The following SOBP variants were observed in gnomAD, a reference collection of about 807,000 sequenced individuals.
The protein encoded by SOBP is sine oculis binding protein homolog, also known as sine oculis-binding protein homolog.
A neutral mutation model predicts 53.6 loss-of-function variants in SOBP; 4 were observed. That is an observed-to-expected ratio of 0.07 (90% confidence interval 0.04 to 0.17). SOBP has a LOEUF of 0.17. SOBP is among the 10% of genes least tolerant of loss of function. The pLI is 1.00. For missense variants in SOBP, 1,088 were observed against 1,204.7 expected, an observed-to-expected ratio of 0.90 and a Z score of 1.43; for synonymous variants, 584 against 522.6, an observed-to-expected ratio of 1.12 and a Z score of -1.60.
chr6:107,505,825 A>G (rs1782976548), intron 2 of SOBP, among the ~76,000 whole-genome samples: 1 of 150,610 alleles, frequency 6.6e-6, no homozygotes. Context: ...TAAGTTTTGT[A>G]TTTTTAGTAG....
At chr6:107,566,577 G>A (rs971017137) in intron 4 of SOBP, among the ~76,000 whole-genome samples, 6 of 152,244 alleles carry the variant, frequency 3.9e-5, no homozygotes, top group East Asian at 1.9e-4. Flanking sequence ...CTTCTCTCAC[G>A]GTGTCTCTGA....
At chr6:107,637,528 G>A (rs1335632605) in intron 6 of SOBP, among the ~76,000 whole-genome samples, 1 of 152,226 alleles carries the variant, frequency 6.6e-6, no homozygotes, top group African/African-American at 2.4e-5. Context: ...AAATGCCCCT[G>A]ATTTCTTCAC....
At chr6:107,636,633 A>T (rs567445819) in intron 6 of SOBP, among the ~76,000 whole-genome samples, 1 of 152,294 alleles carries the variant, frequency 6.6e-6, no homozygotes, top group Admixed American at 6.5e-5. Flanking sequence ...AGGAGAGATG[A>T]GCATTTATTG....
At chr6:107,539,796 C>T (rs542281431) in intron 4 of SOBP, among the ~76,000 whole-genome samples, 2 of 152,220 alleles carry the variant, frequency 1.3e-5, no homozygotes, top group African/African-American at 2.4e-5. Context: ...CACCTTGCCA[C>T]TAACAGTGTT....
At chr6:107,598,087 CAT>C (rs1208053583) in intron 5 of SOBP, among the ~76,000 whole-genome samples, 1 of 152,102 alleles carries the variant, frequency 6.6e-6, no homozygotes, top group Non-Finnish European at 1.5e-5. Flanking sequence ...GCTTAAAAGT[CAT>C]GTGTTGCAGT....
intron 1 of SOBP, among the ~76,000 whole-genome samples, chr6:107,502,303 A>G (rs1782863523): frequency 6.6e-6 from 1 of 152,206 alleles, no homozygotes; most frequent in Non-Finnish European, 1.5e-5. Context: ...AAGGATAATA[A>G]AAGATTCTTT....
rs773896614 is a variant in SOBP at position 107,542,660 on chromosome 6, A to G, written c.573+9050A>G. Among the ~76,000 whole-genome samples the G allele has an allele frequency of 2.0e-5, 3 of 152,206 alleles. No homozygotes were observed. In the South Asian group the frequency reaches 6.2e-4, roughly 31 times the overall value. On this transcript the variant is annotated intron_variant, in intron 4 of 6. Coordinates refer to ENST00000317357, the MANE Select transcript of SOBP (RefSeq NM_018013.4). ...GGCAATAGAAAACTAAAAATATCTT[A>G]TTCACTGAATTATTCATTAGTAGTT...
chr6:107,543,388 AAG>A (rs538930225), intron 4 of SOBP, among the ~76,000 whole-genome samples: 237 of 152,364 alleles, frequency 1.6e-3, no homozygotes, highest in African/African-American at 5.2e-3. Flanking sequence ...ATTCCAAAAA[AAG>A]AGTCTTGAAA....
intron 4 of SOBP, among the ~76,000 whole-genome samples, chr6:107,562,665 A>G (rs1784805311): frequency 6.6e-6 from 1 of 152,234 alleles, no homozygotes; most frequent in Non-Finnish European, 1.5e-5. Context: ...TAGAGGTGAC[A>G]AAGTATGACT....
intron 1 of SOBP, among the ~76,000 whole-genome samples, chr6:107,491,435 G>A (rs1435124051): frequency 6.6e-6 from 1 of 152,254 alleles, no homozygotes. Flanking sequence ...CGCTAAGGCC[G>A]GCCCGGAGTC....
At chr6:107,509,811 C>G (rs1406150910) in intron 3 of SOBP, 1 of 152,192 alleles carries the variant, frequency 6.6e-6, no homozygotes, top group Non-Finnish European at 1.5e-5. Context: ...AGTAACTGAA[C>G]ACCAGTGGTT....
intron 3 of SOBP, among the ~76,000 whole-genome samples, chr6:107,526,508 C>A (rs528051082): frequency 1.3e-5 from 2 of 152,144 alleles, no homozygotes; most frequent in Non-Finnish European, 2.9e-5. Flanking sequence ...TTAACTTCCC[C>A]GCCTTCCAAA....
chr6:107,539,236 A>G (rs1312681279), intron 4 of SOBP, among the ~76,000 whole-genome samples: 1 of 152,202 alleles, frequency 6.6e-6, no homozygotes, highest in Non-Finnish European at 1.5e-5. Context: ...AATAATTCTA[A>G]CCCATTAGCC....
At chr6:107,562,546 A>G (rs1008485448) in intron 4 of SOBP, among the ~76,000 whole-genome samples, 4 of 152,242 alleles carry the variant, frequency 2.6e-5, no homozygotes, top group African/African-American at 7.2e-5. Flanking sequence ...GCCAATTGGC[A>G]TAATAAAAGA....
At chr6:107,554,692 G>A (rs1282422610) in intron 4 of SOBP, among the ~76,000 whole-genome samples, 1 of 152,128 alleles carries the variant, frequency 6.6e-6, no homozygotes, top group African/African-American at 2.4e-5. Flanking sequence ...GGGTCATTGT[G>A]GCATTTGTCA....
chr6:107,652,160 A>T (rs1281228301), intron 6 of SOBP, among the ~76,000 whole-genome samples: 1 of 152,212 alleles, frequency 6.6e-6, no homozygotes, highest in Non-Finnish European at 1.5e-5. Flanking sequence ...TCTAGCTGCC[A>T]TTGATAGTGA....
At chr6:107,578,023 G>A (rs1173675120) in intron 4 of SOBP, among the ~76,000 whole-genome samples, 1 of 149,088 alleles carries the variant, frequency 6.7e-6, no homozygotes, top group Non-Finnish European at 1.5e-5. Context: ...GCAGTGAGCC[G>A]AGATGGCGCC....
intron 4 of SOBP, 26 bp from the exon 5 acceptor site, chr6:107,587,054 A>T (rs1369097284): frequency 6.3e-6 from 10 of 1,576,588 alleles, no homozygotes; most frequent in Non-Finnish European, 8.7e-7. Context: ...GTAAGTCCCT[A>T]AATAGGCCAT....
At chr6:107,614,121 G>GGC (rs1786696218) in intron 5 of SOBP, among the ~76,000 whole-genome samples, 1 of 152,236 alleles carries the variant, frequency 6.6e-6, no homozygotes, top group African/African-American at 2.4e-5. Flanking sequence ...GTAGGAGTAA[G>GGC]GCAGGCGCAG....
Sources: gnomAD v4.1 joint callset for allele counts (sites outside exome capture counted in the v4.1 genomes callset) on GRCh38, gnomAD v4.1.1 for gene constraint, MANE v1.5 for transcripts, NCBI Gene and HGNC (gene_info 2026-07-23, HGNC 2026-07-21) for gene names.